Variants in BTNL9 observed in about 807,000 individuals in gnomAD.
BTNL9 encodes butyrophilin like 9, also known as butyrophilin-like protein 9.
Under a neutral mutation model 45.8 loss-of-function variants are expected in BTNL9, and 45 were observed. The ratio of observed to expected loss-of-function variants is 0.98; its 90% CI spans 0.77 to 1.26. BTNL9 has a LOEUF of 1.26. Ranked by LOEUF, BTNL9 falls within the 50% of genes most tolerant of loss-of-function variation. BTNL9 has a pLI of 0.00. For synonymous variants in BTNL9, 346 were observed against 330.8 expected, an observed-to-expected ratio of 1.05 and a Z score of -0.50; for missense variants, 784 against 729.7, an observed-to-expected ratio of 1.07 and a Z score of -0.86.
rs1761449491 is a variant in BTNL9, at chr5:181,050,046, CAG to C, written c.455-40_455-39del. The C allele has an allele frequency of 6.3e-7, 1 of 1,584,008 alleles. No individual in the cohort carries two copies. The highest frequency in any genetic ancestry group is 1.4e-5 in the African/African-American group (1 of 74,004). On this transcript the variant is annotated intron_variant, in intron 3 of 10. Transcript: ENST00000327705. The surrounding 1 kb of genome is among the most constrained non-coding windows in gnomAD (Gnocchi z 4.9). The stretch of plus-strand genomic sequence containing the variant: ...GGCAGGAATGTTATGCGTGATTTCT[CAG>C]AAGAAGCCTGACCTTTCCCACTCCT...
At chr5:181,045,355 T>G (rs1761040251) in intron 1 of BTNL9, 112 bp from the exon 2 acceptor site, 2 of 629,224 alleles carry the variant, frequency 3.2e-6, no homozygotes, top group East Asian at 2.8e-5. Context: ...GTAAGGAATT[T>G]GAGAACTAGA....
chr5:181,047,058 G>A (rs543310237), intron 2 of BTNL9, among the ~76,000 whole-genome samples: 6 of 152,290 alleles, frequency 3.9e-5, no homozygotes, highest in African/African-American at 1.4e-4. Context: ...GCAGGACAGG[G>A]GTGTCCATGA....
At chr5:181,058,486 A>G (rs1761993192) in intron 10 of BTNL9, 108 bp downstream of exon 10, 1 of 1,446,256 alleles carries the variant, frequency 6.9e-7, no homozygotes. Context: ...GGAGCCAAGT[A>G]TGGGGCCTGC....
rs915653057 is a variant in BTNL9, at chr5:181,042,063, G to C, written c.-24+1631G>C. On this transcript the variant is annotated intron_variant, in intron 1 of 10. Transcript: ENST00000327705. This position sits in a 1 kb window ranked among gnomAD's most constrained non-coding sequence, Gnocchi z 4.5. Reference sequence around the variant, plus strand: ...TGTTTAGGAATTGCAGGTGCAGGAGGAGAGAACAGGAGTGGGGCGGGCTGG... The same window carrying C: ...TGTTTAGGAATTGCAGGTGCAGGAGCAGAGAACAGGAGTGGGGCGGGCTGG... Among the ~76,000 whole-genome samples, 2 of 152,352 alleles carry C rather than the reference G, an allele frequency of 1.3e-5. No homozygotes were observed. The highest frequency in any genetic ancestry group is 2.9e-5 in the Non-Finnish European group (2 of 68,032).
At chr5:181,058,084 T>C (rs1192968482) in intron 9 of BTNL9, among the ~76,000 whole-genome samples, 1 of 152,182 alleles carries the variant, frequency 6.6e-6, no homozygotes, top group East Asian at 1.9e-4. Flanking sequence ...TCTCTTTACC[T>C]ACATGCTCCA....
Position 181,055,201 on chromosome 5 carries a change from G to T in BTNL9, c.908-232G>T, listed in dbSNP as rs964082906. Reference sequence around the variant, plus strand: ...TACTAAGATCTGGTATCCCTTCTAGGCTGTGTGCAGATTTCCACCTTTGAG... The same window carrying T: ...TACTAAGATCTGGTATCCCTTCTAGTCTGTGTGCAGATTTCCACCTTTGAG... On this transcript the variant is annotated intron_variant, in intron 7 of 10. Transcript: ENST00000327705. This position sits in a 1 kb window ranked among gnomAD's most constrained non-coding sequence, Gnocchi z 4.4. 2 of 1,412,282 alleles carry T rather than the reference G, an allele frequency of 1.4e-6. No homozygotes were observed. Among genetic ancestry groups the T allele is most frequent in the Non-Finnish European group, 1.8e-6 (2 of 1,086,366 alleles). The allele number at this position is 1,412,282 out of a possible 1,614,324, so 87.5% of individuals were successfully genotyped here.
intron 4 of BTNL9, among the ~76,000 whole-genome samples, chr5:181,051,089 C>CAAAAAAAAAAAAAA (rs372848158): frequency 7.6e-6 from 1 of 131,818 alleles, no homozygotes. Flanking sequence ...AAAAAAAAAA[C>CAAAAAAAAAAAAAA]AAAAAAAAAA....
chr5:181,054,758 C>T, intron 7 of BTNL9: 1 of 984,950 alleles, frequency 1.0e-6, no homozygotes, highest in Non-Finnish European at 1.2e-6. Flanking sequence ...GTTGGGGGGG[C>T]AATTCAGATG....
chr5:181,055,432 G>A lies in BTNL9; in HGVS notation c.908-1G>A. On this transcript the variant is annotated splice_acceptor_variant, in intron 7 of 10. Transcript: ENST00000327705. LOFTEE classifies it high-confidence loss of function. The surrounding 1 kb of genome is among the most constrained non-coding windows in gnomAD (Gnocchi z 4.4). ...GTTTTCTTTGTGTGTTCTGCTTGCA[G>A]AAAAGCTTCAGACAGAGCTTGGTAA... 6.2e-7 allele frequency: 1 copy of A among 1,614,170 alleles called. No individual in the cohort carries two copies. The highest frequency in any genetic ancestry group is 1.1e-5 in the South Asian group (1 of 91,082).
rs999441764 is a variant in BTNL9, at chr5:181,054,752, G to C, written c.907+493G>C. On this transcript the variant is annotated intron_variant, in intron 7 of 10. Coordinates refer to ENST00000327705, the MANE Select transcript of BTNL9 (RefSeq NM_152547.5). ...AAAGGCCATCATGGTGTTGGGGTTG[G>C]GGGGGCAATTCAGATGAAACTGTAA... 1.4e-5 allele frequency: 14 copies of C among 985,308 alleles called. No homozygotes were observed. The South Asian group carries it at 4.2e-4, about 30-fold the overall frequency. The allele number at this position is 985,308 out of a possible 1,614,324, so 61.0% of individuals were successfully genotyped here.
chr5:181,048,233 A>G lies in BTNL9; in HGVS notation c.416A>G (p.Asn139Ser). 1 of 1,612,252 alleles carries G rather than the reference A, an allele frequency of 6.2e-7. No homozygotes were observed. Among genetic ancestry groups the G allele is most frequent in the Non-Finnish European group, 8.5e-7 (1 of 1,179,178 alleles). ...TATGGCTGCCGCTTCCACTCCGACA[A>G]CTTCTCTGGCGAAGCTCTCTGGGAA... is the stretch of plus-strand genomic sequence containing the variant. The part of the protein sequence containing the change: ...GTYGCRFHSD[N>S]FSGEALWELE... The change falls in exon 3 of 11, where the codon AAC (asparagine) becomes AGC (serine). Residue 139 changes from asparagine (N) to serine (S), a missense_variant. By Grantham distance (46) the Asn-to-Ser change is conservative. Coordinates refer to ENST00000327705, the MANE Select transcript of BTNL9 (RefSeq NM_152547.5).
intron 1 of BTNL9, among the ~76,000 whole-genome samples, 161 bp from the exon 2 acceptor site, chr5:181,045,306 C>G (rs904079911): frequency 1.3e-5 from 2 of 152,140 alleles, no homozygotes; most frequent in African/African-American, 4.8e-5. Flanking sequence ...AGAAGCAGCT[C>G]TCCCCTCTGG....
Position 181,053,525 on chromosome 5 carries a change from C to T in BTNL9, c.886+24C>T. 6.4e-7 allele frequency: 1 copy of T among 1,566,444 alleles called. No individual in the cohort carries two copies. Among genetic ancestry groups the T allele is most frequent in the East Asian group, 2.3e-5 (1 of 42,694 alleles). On this transcript the variant is annotated intron_variant, in intron 6 of 10. Coordinates refer to ENST00000327705, the MANE Select transcript of BTNL9 (RefSeq NM_152547.5). The surrounding 1 kb of genome is among the most constrained non-coding windows in gnomAD (Gnocchi z 6.5). ...AGGTGAGCGGGGACAGGGCGTTCTG[C>T]ACGCACCTGCCCAAGTGCCAAAACC...
chr5:181,046,988 A>C (rs1761215178), intron 2 of BTNL9, among the ~76,000 whole-genome samples: 1 of 152,152 alleles, frequency 6.6e-6, no homozygotes, highest in Middle Eastern at 3.2e-3. Flanking sequence ...CCCAGCGGGC[A>C]ATGAGGTGCC....
rs776054933 is a variant in BTNL9, at chr5:181,050,062, T to C, written c.455-26T>C. 1 of 1,603,674 alleles carries C rather than the reference T, an allele frequency of 6.2e-7. No homozygotes were observed. The highest frequency in any genetic ancestry group is 8.5e-7 in the Non-Finnish European group (1 of 1,174,600). Reference sequence around the variant, plus strand: ...GTGATTTCTCAGAAGAAGCCTGACCTTTCCCACTCCTCCTGCCTCCACCAG... The same window carrying C: ...GTGATTTCTCAGAAGAAGCCTGACCCTTCCCACTCCTCCTGCCTCCACCAG... On this transcript the variant is annotated intron_variant, in intron 3 of 10. Coordinates refer to ENST00000327705, the MANE Select transcript of BTNL9 (RefSeq NM_152547.5). The surrounding 1 kb of genome is among the most constrained non-coding windows in gnomAD (Gnocchi z 4.9).
intron 4 of BTNL9, among the ~76,000 whole-genome samples, chr5:181,051,190 A>G (rs9686314): frequency 0.54 from 82,024 of 151,722 alleles, 22,628 homozygotes; most frequent in African/African-American, 0.62. Context: ...AGGCACGTCC[A>G]GGAAGTGGGC....
intron 1 of BTNL9, among the ~76,000 whole-genome samples, chr5:181,041,582 T>C (rs1166142359): frequency 3.3e-5 from 5 of 152,200 alleles, no homozygotes; most frequent in African/African-American, 4.8e-5. Flanking sequence ...CACCAATCCA[T>C]AGTGATTCGC....
At chr5:181,059,088 G>A in intron 10 of BTNL9, 149 bp from the exon 11 acceptor site, 2 of 1,304,814 alleles carry the variant, frequency 1.5e-6, no homozygotes, top group South Asian at 3.3e-5. Flanking sequence ...CAGTCCTGGG[G>A]AGGGGGTTTG....
rs931332514 is a variant in BTNL9, at chr5:181,059,980, GA to G, written c.*119del. On this transcript the variant is annotated 3_prime_UTR_variant, in exon 11 of 11. Coordinates refer to ENST00000327705, the MANE Select transcript of BTNL9 (RefSeq NM_152547.5). ...CACCAGCCAAAATGTCAGCGAGGGGGACAAAGAGAGGGACCTTTGCCTACGT... is the reference window on the plus strand; with the variant it reads ...CACCAGCCAAAATGTCAGCGAGGGGGCAAAGAGAGGGACCTTTGCCTACGT... The G allele has an allele frequency of 2.2e-6, 2 of 922,144 alleles. No individual in the cohort carries two copies. Among genetic ancestry groups the G allele is most frequent in the African/African-American group, 3.4e-5 (2 of 59,608 alleles). 57.1% of individuals were successfully genotyped at this position (922,144 alleles called of 1,614,324 possible). A position where few individuals can be genotyped will look rare whatever the true frequency, so the allele number is the denominator to read the frequency against.
Sources: gnomAD v4.1 joint callset for allele counts (sites outside exome capture counted in the v4.1 genomes callset) on GRCh38, gnomAD v4.1.1 for gene constraint, Gnocchi (gnomAD v3.1) non-coding constraint, MANE v1.5 for transcripts, NCBI Gene and HGNC (gene_info 2026-07-23, HGNC 2026-07-21) for gene names.